The following CHCHD6 variants were observed in gnomAD, a reference collection of about 807,000 sequenced individuals.
CHCHD6 encodes the protein coiled-coil-helix-coiled-coil-helix domain containing 6.
In CHCHD6, 28 loss-of-function variants were observed where a neutral mutation model predicts 32.3. The ratio of observed to expected loss-of-function variants is 0.87; its 90% confidence interval spans 0.64 to 1.19. The LOEUF (loss-of-function observed/expected upper bound fraction) is 1.19. Among genes scored for constraint, CHCHD6 ranks in the 50% most tolerant of loss-of-function variants. The probability of loss-of-function intolerance (pLI) is 0.00; values close to 1 mark genes in which losing one functional copy is unlikely to be tolerated. For synonymous variants in CHCHD6, 122 were observed against 117.5 expected (o/e 1.04, Z -0.25); for missense variants, 333 against 307.0 (o/e 1.08, Z -0.63).
intron 4 of CHCHD6, among the ~76,000 whole-genome samples, chr3:126,791,502 C>A (rs943663010): frequency 6.6e-6 from 1 of 152,262 alleles, no homozygotes; most frequent in East Asian, 1.9e-4. Context: ...CTTTGTTTAC[C>A]TACTCAAGCC....
intron 4 of CHCHD6, among the ~76,000 whole-genome samples, chr3:126,759,594 G>T (rs559167617): frequency 6.6e-6 from 1 of 152,168 alleles, no homozygotes; most frequent in Admixed American, 6.5e-5. Context: ...AAAACCACTT[G>T]GATTTTTCTG....
At position 126,749,004 on chromosome 3, in the gene CHCHD6, T is replaced by G. The variant is rs145841199; in HGVS notation, c.411+15782T>G. 2.0e-5 allele frequency among the ~76,000 whole-genome samples: 3 copies of G among 151,552 alleles called. No individual in the cohort carries two copies. In the East Asian group the frequency reaches 5.8e-4, roughly 29 times the overall value. On this transcript the variant is annotated intron_variant, in intron 4 of 7. Coordinates refer to ENST00000290913, the MANE Select transcript of CHCHD6 (RefSeq NM_032343.3). Reference sequence around the variant, plus strand: ...GGTCAGCTAATGCTTCTCTGAGGAGTGGACATGTGAGCCGCGACCTAGAGG... The same window carrying G: ...GGTCAGCTAATGCTTCTCTGAGGAGGGGACATGTGAGCCGCGACCTAGAGG...
intron 4 of CHCHD6, among the ~76,000 whole-genome samples, chr3:126,744,724 G>A (rs1450570143): frequency 3.3e-5 from 5 of 151,998 alleles, no homozygotes; most frequent in Middle Eastern, 3.4e-3. Context: ...GTCTCATTCT[G>A]ACACCCAGGC....
chr3:126,874,026 C>T (rs937088333), intron 5 of CHCHD6, among the ~76,000 whole-genome samples: 2 of 152,204 alleles, frequency 1.3e-5, no homozygotes, highest in African/African-American at 4.8e-5. Context: ...ATGGCCCCTG[C>T]CCCGCAGAAC....
chr3:126,728,217 G>A (rs1478226971), intron 2 of CHCHD6, among the ~76,000 whole-genome samples: 1 of 152,166 alleles, frequency 6.6e-6, no homozygotes, highest in Non-Finnish European at 1.5e-5. Context: ...CACAGTGATA[G>A]GTGGGCAGGG....
intron 4 of CHCHD6, among the ~76,000 whole-genome samples, chr3:126,819,258 A>T (rs1024418948): frequency 3.9e-5 from 6 of 152,152 alleles, no homozygotes; most frequent in Non-Finnish European, 8.8e-5. Flanking sequence ...GCCACCCAGG[A>T]GTGCACAGCC....
At chr3:126,727,974 TAA>T (rs35326256) in intron 2 of CHCHD6, among the ~76,000 whole-genome samples, 3 of 144,470 alleles carry the variant, frequency 2.1e-5, no homozygotes, top group Non-Finnish European at 3.0e-5. Context: ...GTAACTCAAT[TAA>T]AAAAAAAAAA....
intron 1 of CHCHD6, among the ~76,000 whole-genome samples, chr3:126,725,137 A>G (rs1409626085): frequency 3.9e-5 from 6 of 152,240 alleles, no homozygotes; most frequent in African/African-American, 1.4e-4. Context: ...TACTTTTCCC[A>G]GGTCCATCAG....
At chr3:126,769,081 C>T (rs1378509218) in intron 4 of CHCHD6, among the ~76,000 whole-genome samples, 1 of 152,068 alleles carries the variant, frequency 6.6e-6, no homozygotes, top group Non-Finnish European at 1.5e-5. Context: ...GTTGCAATTG[C>T]TTTTGGTGTC....
intron 5 of CHCHD6, 53 bp downstream of exon 5, chr3:126,852,783 A>G: frequency 8.3e-7 from 1 of 1,208,628 alleles, no homozygotes; most frequent in Non-Finnish European, 1.2e-6. Context: ...AAGGCATCTG[A>G]CCAGAACACA....
intron 4 of CHCHD6, among the ~76,000 whole-genome samples, chr3:126,746,142 C>G (rs1258566913): frequency 2.6e-5 from 4 of 152,140 alleles, no homozygotes; most frequent in Non-Finnish European, 5.9e-5. Context: ...TATCAGGTAA[C>G]AAAGCTCTGA....
intron 5 of CHCHD6, among the ~76,000 whole-genome samples, chr3:126,903,931 C>G (rs1048210843): frequency 6.6e-6 from 1 of 152,220 alleles, no homozygotes; most frequent in East Asian, 1.9e-4. Flanking sequence ...GGATCCCATC[C>G]TGGTCTGCAG....
intron 6 of CHCHD6, among the ~76,000 whole-genome samples, chr3:126,920,246 G>T (rs2078228260): frequency 6.8e-6 from 1 of 147,348 alleles, no homozygotes; most frequent in Non-Finnish European, 1.5e-5. Context: ...AGTCTTTGGT[G>T]AAATTCTACC....
At chr3:126,738,065 A>C (rs1289173642) in intron 4 of CHCHD6, among the ~76,000 whole-genome samples, 2 of 152,142 alleles carry the variant, frequency 1.3e-5, no homozygotes, top group Admixed American at 6.5e-5. Context: ...CCTCTAACCT[A>C]AGGATCCCAC....
intron 5 of CHCHD6, among the ~76,000 whole-genome samples, chr3:126,862,261 A>G (rs1452165089): frequency 1.6e-5 from 2 of 127,966 alleles, no homozygotes; most frequent in African/African-American, 5.9e-5. Context: ...CTCCTCCTCC[A>G]TCACCTCCTC....
intron 4 of CHCHD6, among the ~76,000 whole-genome samples, chr3:126,768,506 C>T (rs1007820548): frequency 1.3e-5 from 2 of 152,154 alleles, no homozygotes. Flanking sequence ...TTCTTTATAG[C>T]TGTGCAAGAA....
chr3:126,729,576 C>G (rs772263136), intron 2 of CHCHD6, among the ~76,000 whole-genome samples: 7 of 152,136 alleles, frequency 4.6e-5, no homozygotes, highest in Admixed American at 4.6e-4. Flanking sequence ...GATGAAACCC[C>G]GCAGCAGGCT....
At chr3:126,747,419 G>C (rs1936550835) in intron 4 of CHCHD6, among the ~76,000 whole-genome samples, 1 of 152,180 alleles carries the variant, frequency 6.6e-6, no homozygotes, top group Non-Finnish European at 1.5e-5. Flanking sequence ...GTTTCAGTGA[G>C]ATAAAATTAA....
chr3:126,853,283 G>A (rs1156589157), intron 5 of CHCHD6, among the ~76,000 whole-genome samples: 1 of 146,556 alleles, frequency 6.8e-6, no homozygotes, highest in South Asian at 2.2e-4. Flanking sequence ...CCCCTACCAC[G>A]ACTCTTGAAA....
Sources: allele counts gnomAD v4.1 joint callset (sites outside exome capture counted in the v4.1 genomes callset), GRCh38; gene constraint gnomAD v4.1.1; transcripts MANE v1.5; gene names NCBI Gene and HGNC (gene_info 2026-07-23, HGNC 2026-07-21).